The following TEX14 variants were observed in gnomAD, a reference collection of about 807,000 sequenced individuals.
The protein encoded by TEX14 is testis expressed 14, intercellular bridge forming factor.
A neutral mutation model predicts 178.6 loss-of-function variants in TEX14; 168 were observed. The observed-to-expected ratio is 0.94, with a 90% CI of 0.83 to 1.07. The LOEUF is 1.07. Ranked by LOEUF, TEX14 falls within the 50% of genes least tolerant of loss-of-function variation. TEX14 has a pLI of 0.00. For synonymous variants in TEX14, 626 were observed against 634.1 expected, an observed-to-expected ratio of 0.99 and a Z score of 0.19; for missense variants, 1,730 against 1,753.6, an observed-to-expected ratio of 0.99 and a Z score of 0.24.
intron 2 of TEX14, among the ~76,000 whole-genome samples, chr17:58,638,608 G>A (rs188572336): frequency 3.3e-5 from 5 of 152,022 alleles, no homozygotes; most frequent in Admixed American, 6.6e-5. Context: ...GTGCAATCTC[G>A]GCTTACCACA....
intron 2 of TEX14, chr17:58,631,969 CA>C (rs1555575848): frequency 2.0e-5 from 3 of 152,266 alleles, no homozygotes; most frequent in South Asian, 4.1e-4. Flanking sequence ...TTTCCACTAC[CA>C]AAGTTCGAAA....
At chr17:58,623,132 T>A in intron 3 of TEX14, 120 bp from the exon 4 acceptor site, 1 of 803,316 alleles carries the variant, frequency 1.2e-6, no homozygotes, top group Non-Finnish European at 1.9e-6. Flanking sequence ...ACGAGGAATA[T>A]AACAACATCA....
intron 1 of TEX14, chr17:58,679,496 C>A (rs2047457326): frequency 6.6e-6 from 1 of 152,114 alleles, no homozygotes; most frequent in African/African-American, 2.4e-5. Flanking sequence ...AGCAAAGATA[C>A]AACGTACGCC....
At chr17:58,690,808 T>C (rs2047692742) in intron 1 of TEX14, among the ~76,000 whole-genome samples, 1 of 152,166 alleles carries the variant, frequency 6.6e-6, no homozygotes, top group African/African-American at 2.4e-5. Context: ...AAAATCTTAA[T>C]AGCTCGGGGT....
chr17:58,589,349 T>A lies in TEX14; in HGVS notation c.2577-1328A>T, dbSNP rs147194250. ...AGACCGGGGCAGGTGAATCATGAGGTCAGGAGTTCAAGACCAGCCTGGCCA... is the reference window on the plus strand; with the variant it reads ...AGACCGGGGCAGGTGAATCATGAGGACAGGAGTTCAAGACCAGCCTGGCCA... On this transcript the variant is annotated intron_variant, in intron 15 of 31. Coordinates refer to ENST00000349033, the MANE Select transcript of TEX14 (RefSeq NM_031272.5). Among the ~76,000 whole-genome samples the A allele has an allele frequency of 2.0e-5, 3 of 150,604 alleles. No individual in the cohort carries two copies. In the East Asian group the frequency reaches 5.9e-4, roughly 30 times the overall value.
At chr17:58,585,671 G>A in intron 18 of TEX14, 130 bp downstream of exon 18, 2 of 652,598 alleles carry the variant, frequency 3.1e-6, no homozygotes, top group Non-Finnish European at 2.5e-6. Context: ...GACCAGGCTG[G>A]TCCCAAATTC....
intron 13 of TEX14, among the ~76,000 whole-genome samples, chr17:58,600,719 G>C (rs1314070123): frequency 6.6e-6 from 1 of 152,056 alleles, no homozygotes; most frequent in Non-Finnish European, 1.5e-5. Flanking sequence ...AAAGTAATGA[G>C]GTTACAGGGC....
In TEX14 at chr17:58,617,553, G is replaced by C. The variant is rs760279985; in HGVS notation, c.621C>G (p.Ser207Arg). ...AGVISAQNIY[S>R]FGFGKFYLTG... ...AACCTCTTACCTTCCCAAAACCAAA[G>C]CTGTAGATATTTTGAGCAGAAATGA... Residue 207 changes from serine (S) to arginine (R), a missense_variant, in exon 6 of 32, where the codon AGC (serine) becomes AGG (arginine). Ser to Arg is a moderately radical substitution (Grantham distance 110, BLOSUM62 -1). Coordinates refer to ENST00000349033, the MANE Select transcript of TEX14 (RefSeq NM_031272.5). 1.2e-6 allele frequency: 2 copies of C among 1,613,642 alleles called. No individual in the cohort carries two copies. Among genetic ancestry groups the C allele is most frequent in the Admixed American group, 3.3e-5 (2 of 59,962 alleles).
At chr17:58,627,109 G>A (rs2046163782) in intron 3 of TEX14, among the ~76,000 whole-genome samples, 1 of 151,846 alleles carries the variant, frequency 6.6e-6, no homozygotes, top group South Asian at 2.1e-4. Flanking sequence ...TGTCCTTCCT[G>A]GACACTTGAA....
chr17:58,691,603 G>T (rs1221799348), intron 1 of TEX14, among the ~76,000 whole-genome samples: 2 of 146,310 alleles, frequency 1.4e-5, no homozygotes, highest in Non-Finnish European at 3.0e-5. Context: ...GGAGGCGAAG[G>T]TTGCAGTGAG....
chr17:58,631,514 G>C (rs1001895657), intron 2 of TEX14: 1 of 151,486 alleles, frequency 6.6e-6, no homozygotes, highest in Non-Finnish European at 1.5e-5. Context: ...ACAATCCTAA[G>C]TTAAAATATA....
chr17:58,592,889 T>C (rs1469633874), intron 15 of TEX14, among the ~76,000 whole-genome samples: 2 of 152,172 alleles, frequency 1.3e-5, no homozygotes, highest in Admixed American at 1.3e-4. Flanking sequence ...TATGTATGAA[T>C]ATATGTATGT....
At position 58,575,957 on chromosome 17, in the gene TEX14, C is replaced by T. The variant is rs1313324969; in HGVS notation, c.3320+1418G>A. Among the ~76,000 whole-genome samples the T allele has an allele frequency of 2.6e-5, 4 of 152,184 alleles. No individual in the cohort carries two copies. The East Asian group carries it at 7.7e-4, about 29-fold the overall frequency. On this transcript the variant is annotated intron_variant, in intron 21 of 31. Transcript: ENST00000349033. ...TGCTTTCTTTACTGGCAAATGGAGG[C>T]AATGGTATGTGCCTCACAGGGTTGT...
intron 1 of TEX14, chr17:58,659,262 A>T (rs935157052): frequency 9.9e-6 from 8 of 811,770 alleles, no homozygotes; most frequent in Non-Finnish European, 1.0e-5. Flanking sequence ...CAAGAAAAAC[A>T]CTTTATCAGG....
At chr17:58,682,578 G>A (rs577870669) in intron 1 of TEX14, among the ~76,000 whole-genome samples, 2 of 151,974 alleles carry the variant, frequency 1.3e-5, no homozygotes, top group African/African-American at 4.8e-5. Flanking sequence ...ATTTCAAAGT[G>A]TGTTTTATTT....
chr17:58,615,359 A>G lies in TEX14; in HGVS notation c.768-14T>C, dbSNP rs1197641983. The G allele has an allele frequency of 1.3e-6, 2 of 1,525,798 alleles. No homozygotes were observed. The highest frequency in any genetic ancestry group is 3.3e-5 in the Admixed American group (2 of 59,788). 94.5% of individuals were successfully genotyped at this position (1,525,798 alleles called of 1,614,324 possible). On this transcript the variant is annotated splice_polypyrimidine_tract_variant and intron_variant, in intron 7 of 31. Transcript: ENST00000349033. ...TTCCACACTAGGCTACAAGGACAGG[A>G]AAGAGTTTCAGCAGAAAGGAGTGAG...
intron 9 of TEX14, 79 bp from the exon 10 acceptor site, chr17:58,611,418 T>A: frequency 9.5e-7 from 1 of 1,050,516 alleles, no homozygotes. Flanking sequence ...TGATTTCCAG[T>A]CTTTCCATAT....
intron 13 of TEX14, among the ~76,000 whole-genome samples, chr17:58,600,525 C>T (rs149314966): frequency 6.7e-6 from 1 of 149,494 alleles, no homozygotes; most frequent in Non-Finnish European, 1.5e-5. Flanking sequence ...TGCGCCATTG[C>T]ACTCCAGTCT....
chr17:58,593,120 G>T (rs192230562), intron 15 of TEX14, among the ~76,000 whole-genome samples: 13 of 151,858 alleles, frequency 8.6e-5, no homozygotes, highest in Admixed American at 8.5e-4. Context: ...CATTTCATTC[G>T]TCTGGCTGGA....
Sources: allele counts gnomAD v4.1 joint callset (sites outside exome capture counted in the v4.1 genomes callset), GRCh38; gene constraint gnomAD v4.1.1; transcripts MANE v1.5; gene names NCBI Gene and HGNC (gene_info 2026-07-23, HGNC 2026-07-21).